The following SLC25A26 variants were observed in gnomAD, a reference collection of about 807,000 sequenced individuals.
The protein encoded by SLC25A26 is solute carrier family 25 member 26.
In SLC25A26, 36 loss-of-function variants were observed where a neutral mutation model predicts 37.8. That is an observed-to-expected ratio of 0.95 (90% CI 0.73 to 1.26). The LOEUF (loss-of-function observed/expected upper bound fraction) is 1.26, where lower values mean the gene tolerates loss of function less well. SLC25A26 is among the 50% of genes most tolerant of loss of function. The pLI, the probability that SLC25A26 is intolerant of heterozygous loss-of-function variation, is 0.00. For synonymous variants in SLC25A26, 129 were observed against 122.5 expected (o/e 1.05, Z -0.35); for missense variants, 390 against 331.1 (o/e 1.18, Z -1.38).
rs72902985 is a variant in SLC25A26 at position 66,352,974 on chromosome 3, C to T, written c.498+6566C>T. 5.5e-3 allele frequency among the ~76,000 whole-genome samples: 831 copies of T among 152,328 alleles called. 7 individuals carry two copies. The highest frequency in any genetic ancestry group is 0.018 in the African/African-American group (744 of 41,576). On this transcript the variant is annotated intron_variant, in intron 6 of 9. Coordinates refer to ENST00000354883, the MANE Select transcript of SLC25A26 (RefSeq NM_001379210.1). ...ATTAGTTTATTTAGTTATGCACTTA[C>T]ATCATTGGAATAATTATTTACGACA...
intron 1 of SLC25A26, among the ~76,000 whole-genome samples, chr3:66,202,107 C>T: frequency 6.6e-6 from 1 of 152,076 alleles, no homozygotes; most frequent in East Asian, 1.9e-4. Context: ...GACTTGGAAC[C>T]AACCCAAATG....
chr3:66,348,573 A>C (rs560281397), intron 6 of SLC25A26, among the ~76,000 whole-genome samples: 48 of 152,348 alleles, frequency 3.2e-4, no homozygotes, highest in Admixed American at 9.8e-4. Flanking sequence ...TGGAGTGCTC[A>C]TACAAAATGC....
At chr3:66,140,970 A>G (rs1478391064) in intron 1 of SLC25A26, among the ~76,000 whole-genome samples, 3 of 152,040 alleles carry the variant, frequency 2.0e-5, no homozygotes, top group Non-Finnish European at 4.4e-5. Context: ...TGGTGGTGCC[A>G]CCAGCTCTCT....
chr3:66,251,531 G>A (rs892426316), intron 3 of SLC25A26, among the ~76,000 whole-genome samples: 1 of 152,152 alleles, frequency 6.6e-6, no homozygotes, highest in African/African-American at 2.4e-5. Context: ...CTTGCCAGTG[G>A]GCCCAGCCAT....
At chr3:66,180,693 A>T (rs184435291) in intron 1 of SLC25A26, among the ~76,000 whole-genome samples, 136 of 152,228 alleles carry the variant, frequency 8.9e-4, no homozygotes, top group African/African-American at 2.8e-3. Flanking sequence ...AGATTTTTTT[A>T]AAAAATCCTT....
chr3:66,336,772 G>A (rs371701148), intron 5 of SLC25A26, among the ~76,000 whole-genome samples: 4 of 152,226 alleles, frequency 2.6e-5, no homozygotes, highest in African/African-American at 4.8e-5. Flanking sequence ...ATTGTGGTGT[G>A]ATACAGAGTT....
intron 7 of SLC25A26, among the ~76,000 whole-genome samples, chr3:66,368,225 A>G (rs979454019): frequency 6.6e-6 from 1 of 152,222 alleles, no homozygotes; most frequent in Non-Finnish European, 1.5e-5. Context: ...TGTTGCCCTT[A>G]TAACACTGCC....
At chr3:66,312,337 C>G (rs1187354679) in intron 5 of SLC25A26, among the ~76,000 whole-genome samples, 1 of 152,114 alleles carries the variant, frequency 6.6e-6, no homozygotes, top group African/African-American at 2.4e-5. Flanking sequence ...TTCCCCTAAC[C>G]AAACCCAATC....
chr3:66,342,757 A>G (rs982632600), intron 5 of SLC25A26, among the ~76,000 whole-genome samples: 5 of 152,242 alleles, frequency 3.3e-5, no homozygotes, highest in African/African-American at 1.2e-4. Context: ...TCTTGTATAG[A>G]ATTATTGCTC....
chr3:66,251,785 A>G (rs1400519943), intron 3 of SLC25A26, among the ~76,000 whole-genome samples: 1 of 152,154 alleles, frequency 6.6e-6, no homozygotes, highest in Non-Finnish European at 1.5e-5. Context: ...CTTTTCTAAC[A>G]TATTTCAGAT....
intron 1 of SLC25A26, among the ~76,000 whole-genome samples, chr3:66,147,016 T>C (rs2070124188): frequency 6.8e-6 from 1 of 148,048 alleles, no homozygotes; most frequent in Non-Finnish European, 1.5e-5. Flanking sequence ...CATTCCCTTT[T>C]ATGGCTGAGA....
chr3:66,145,596 T>TA (rs1367238146), intron 1 of SLC25A26, among the ~76,000 whole-genome samples: 2 of 151,974 alleles, frequency 1.3e-5, no homozygotes, highest in African/African-American at 2.4e-5. Flanking sequence ...TGTTTTTTTT[T>TA]AAATACTAAT....
intron 5 of SLC25A26, among the ~76,000 whole-genome samples, chr3:66,291,458 C>A (rs2074704390): frequency 6.6e-6 from 1 of 152,142 alleles, no homozygotes; most frequent in African/African-American, 2.4e-5. Flanking sequence ...AAATATGCGT[C>A]TAAAACACTG....
intron 1 of SLC25A26, among the ~76,000 whole-genome samples, chr3:66,201,401 C>T (rs2071108421): frequency 1.3e-5 from 2 of 151,918 alleles, no homozygotes; most frequent in South Asian, 2.1e-4. Context: ...GGTGCAATAA[C>T]ATCTCACTAC....
intron 1 of SLC25A26, among the ~76,000 whole-genome samples, chr3:66,165,043 T>C (rs1336528125): frequency 1.3e-5 from 2 of 152,206 alleles, no homozygotes; most frequent in South Asian, 2.1e-4. Context: ...GTATGTGACC[T>C]CAGAGACTGT....
intron 3 of SLC25A26, among the ~76,000 whole-genome samples, chr3:66,249,227 C>T (rs1044065103): frequency 2.3e-5 from 2 of 88,466 alleles, no homozygotes; most frequent in African/African-American, 1.3e-4. Flanking sequence ...AGGTTTTCTC[C>T]AAGGCCCATG....
intron 1 of SLC25A26, among the ~76,000 whole-genome samples, chr3:66,205,519 G>A (rs973569190): frequency 0.012 from 1,863 of 152,224 alleles, 41 homozygotes; most frequent in African/African-American, 0.042. Context: ...GTGTCTACCC[G>A]CACTCAGAAT....
intron 1 of SLC25A26, among the ~76,000 whole-genome samples, chr3:66,185,194 T>C (rs1479712670): frequency 6.6e-6 from 1 of 152,190 alleles, no homozygotes; most frequent in African/African-American, 2.4e-5. Flanking sequence ...AGTATATAGG[T>C]GGAATCATAC....
chr3:66,352,771 C>A (rs568700317), intron 6 of SLC25A26, among the ~76,000 whole-genome samples: 2 of 151,996 alleles, frequency 1.3e-5, no homozygotes, highest in Non-Finnish European at 2.9e-5. Context: ...CTAGGCCTCT[C>A]TCCATCCCCC....
Sources: allele counts gnomAD v4.1 joint callset (sites outside exome capture counted in the v4.1 genomes callset), GRCh38; gene constraint gnomAD v4.1.1; transcripts MANE v1.5; gene names NCBI Gene and HGNC (gene_info 2026-07-23, HGNC 2026-07-21).